Variants in SNCAIP observed in about 807,000 individuals in gnomAD.
SNCAIP encodes synphilin-1.
Under a neutral mutation model 86.7 loss-of-function variants are expected in SNCAIP, and 43 were observed. That is an observed-to-expected ratio of 0.50 (90% CI 0.39 to 0.64). The LOEUF (loss-of-function observed/expected upper bound fraction) is 0.64. Ranked by LOEUF, SNCAIP falls within the 30% of genes least tolerant of loss-of-function variation. The probability of loss-of-function intolerance (pLI) is 0.00; values close to 1 mark genes in which losing one functional copy is unlikely to be tolerated. For missense variants in SNCAIP, 981 were observed against 1,103.1 expected, an observed-to-expected ratio of 0.89 and a Z score of 1.57; for synonymous variants, 417 against 427.2, an observed-to-expected ratio of 0.98 and a Z score of 0.29.
At chr5:122,383,873 T>G (rs1767526039) in intron 1 of SNCAIP, among the ~76,000 whole-genome samples, 1 of 152,210 alleles carries the variant, frequency 6.6e-6, no homozygotes, top group African/African-American at 2.4e-5. Context: ...AATCCAATTT[T>G]CTTTAAAGGT....
rs747418990 is a variant in SNCAIP at position 122,451,313 on chromosome 5, G to A, written c.2466G>A (p.Val822=). ...TGAGAGTTACCTTTGAGGAGCCTGTGGTGCAGATGGAGCAGCCTAGCCTTG... is the reference window on the plus strand; with the variant it reads ...TGAGAGTTACCTTTGAGGAGCCTGTAGTGCAGATGGAGCAGCCTAGCCTTG... ...LKLRVTFEEP[V]VQMEQPSLEL... is the part of the protein sequence containing the mutation. Residue 822 remains valine, a synonymous_variant, in exon 10 of 11, where the codon GTG becomes GTA. Transcript: ENST00000261368. 5 of 1,614,012 alleles carry A rather than the reference G, an allele frequency of 3.1e-6. No individual in the cohort carries two copies. Among genetic ancestry groups the A allele is most frequent in the Non-Finnish European group, 3.4e-6 (4 of 1,180,028 alleles).
chr5:122,443,388 GT>G (rs1002111760), intron 7 of SNCAIP, among the ~76,000 whole-genome samples: 59 of 152,276 alleles, frequency 3.9e-4, no homozygotes, highest in African/African-American at 1.4e-3. Flanking sequence ...ACACAAAATA[GT>G]TTGGATTTTT....
chr5:122,354,745 C>T lies in SNCAIP; in HGVS notation c.-46-36344C>T, dbSNP rs756576912. Reference sequence around the variant, plus strand: ...AACTAATCAAAAGCAGTAAATGAAACATCCCTTTTAAAGTAGATCAACTGG... The same window carrying T: ...AACTAATCAAAAGCAGTAAATGAAATATCCCTTTTAAAGTAGATCAACTGG... On this transcript the variant is annotated intron_variant, in intron 1 of 10. Transcript: ENST00000261368. Among the ~76,000 whole-genome samples, 45 of 152,242 alleles carry T rather than the reference C, an allele frequency of 3.0e-4. 1 individual carries two copies. The highest frequency in any genetic ancestry group is 4.7e-4 in the Non-Finnish European group (32 of 67,998).
At chr5:122,314,246 A>T (rs1751246072) in intron 1 of SNCAIP, among the ~76,000 whole-genome samples, 1 of 152,246 alleles carries the variant, frequency 6.6e-6, no homozygotes, top group Non-Finnish European at 1.5e-5. Flanking sequence ...CCACACAAAC[A>T]TCTAATACAA....
At chr5:122,334,930 C>T (rs1445877219) in intron 1 of SNCAIP, among the ~76,000 whole-genome samples, 1 of 152,080 alleles carries the variant, frequency 6.6e-6, no homozygotes, top group Non-Finnish European at 1.5e-5. Flanking sequence ...TTGGGGACTA[C>T]AGGTTTCAGG....
At chr5:122,441,936 C>G (rs140804261) in intron 7 of SNCAIP, among the ~76,000 whole-genome samples, 1 of 151,866 alleles carries the variant, frequency 6.6e-6, no homozygotes, top group African/African-American at 2.4e-5. Flanking sequence ...GAAAGTGACC[C>G]GACATATATG....
intron 1 of SNCAIP, among the ~76,000 whole-genome samples, chr5:122,317,944 C>T (rs1471364333): frequency 2.0e-5 from 3 of 152,002 alleles, no homozygotes; most frequent in South Asian, 4.1e-4. Context: ...TTCAGTCTCT[C>T]AGCTTTCAAT....
chr5:122,463,633 A>G lies in SNCAIP; in HGVS notation c.*137A>G. On this transcript the variant is annotated 3_prime_UTR_variant, in exon 11 of 11. Transcript: ENST00000261368. ...TTTGGAAATTATTGGAAATTTCTGG[A>G]CTATCCTCTTTGGAAAGAGAACCAT... 1 of 877,180 alleles carries G rather than the reference A, an allele frequency of 1.1e-6. No homozygotes were observed. The highest frequency in any genetic ancestry group is 1.6e-5 in the South Asian group (1 of 64,474). 54.3% of individuals were successfully genotyped at this position (877,180 alleles called of 1,614,324 possible).
intron 10 of SNCAIP, chr5:122,454,473 G>A (rs74529418): frequency 0.2 from 30,125 of 152,554 alleles, 3,350 homozygotes; most frequent in South Asian, 0.29. Flanking sequence ...GGCCTCACCG[G>A]GGCAGGGAAT....
intron 2 of SNCAIP, among the ~76,000 whole-genome samples, chr5:122,396,458 C>T (rs1770643484): frequency 6.6e-6 from 1 of 152,124 alleles, no homozygotes; most frequent in African/African-American, 2.4e-5. Flanking sequence ...TTTTACTCTG[C>T]AGATAGTCCT....
chr5:122,337,580 C>G (rs1756745916), intron 1 of SNCAIP, among the ~76,000 whole-genome samples: 2 of 152,070 alleles, frequency 1.3e-5, no homozygotes, highest in Non-Finnish European at 2.9e-5. Context: ...GCCCTGTCAC[C>G]CAGGCTGGAG....
chr5:122,353,439 C>CAAAA (rs60366701), intron 1 of SNCAIP, among the ~76,000 whole-genome samples: 5 of 94,154 alleles, frequency 5.3e-5, no homozygotes, highest in African/African-American at 1.1e-4. Context: ...CATAATTAAG[C>CAAAA]AAAAAAAAAA....
intron 5 of SNCAIP, among the ~76,000 whole-genome samples, chr5:122,427,167 A>T (rs959986640): frequency 3.3e-5 from 5 of 152,052 alleles, no homozygotes; most frequent in Non-Finnish European, 5.9e-5. Flanking sequence ...GAAGAAAATA[A>T]TTTTTTTTAA....
Position 122,450,667 on chromosome 5 carries a change from C to A in SNCAIP, c.1820C>A (p.Ala607Asp). ...VLGSLSASSR[A>D]RPKAKDEDSD... Reference sequence around the variant, plus strand: ...GGAAGCCTGTCAGCCTCCAGCCGGGCTAGACCCAAAGCAAAAGATGAAGAT... The same window carrying A: ...GGAAGCCTGTCAGCCTCCAGCCGGGATAGACCCAAAGCAAAAGATGAAGAT... The change falls in exon 10 of 11, where the codon GCT becomes GAT. Residue 607 changes from alanine to aspartate, a missense_variant. By Grantham distance (126) the Ala-to-Asp change is moderately radical. Transcript: ENST00000261368. The A allele has an allele frequency of 6.2e-7, 1 of 1,614,194 alleles. No individual in the cohort carries two copies. The highest frequency in any genetic ancestry group is 8.5e-7 in the Non-Finnish European group (1 of 1,180,016).
intron 1 of SNCAIP, among the ~76,000 whole-genome samples, chr5:122,366,554 A>G (rs1763236497): frequency 6.6e-6 from 1 of 152,226 alleles, no homozygotes; most frequent in Non-Finnish European, 1.5e-5. Flanking sequence ...GAAAAGCCAA[A>G]GGTTGGGTGT....
At chr5:122,461,254 TATG>T (rs1298940478) in intron 10 of SNCAIP, among the ~76,000 whole-genome samples, 4 of 152,232 alleles carry the variant, frequency 2.6e-5, no homozygotes, top group African/African-American at 9.6e-5. Context: ...TGGAAGATTT[TATG>T]ATTTCTTCTT....
intron 1 of SNCAIP, among the ~76,000 whole-genome samples, chr5:122,332,174 TTTTC>T (rs1755495205): frequency 6.6e-6 from 1 of 152,246 alleles, no homozygotes; most frequent in Non-Finnish European, 1.5e-5. Flanking sequence ...TGTTGATGTG[TTTTC>T]TTTCTTTATG....
At chr5:122,335,862 T>C (rs186605053) in intron 1 of SNCAIP, among the ~76,000 whole-genome samples, 2 of 152,290 alleles carry the variant, frequency 1.3e-5, no homozygotes, top group African/African-American at 4.8e-5. Flanking sequence ...GCAATTCGTA[T>C]AGAAAGCTGA....
intron 1 of SNCAIP, 87 bp from the exon 2 acceptor site, chr5:122,391,002 A>T (rs1769225459): frequency 2.7e-6 from 2 of 739,984 alleles, no homozygotes; most frequent in Non-Finnish European, 4.9e-6. Flanking sequence ...AACCCTTCTC[A>T]TCTTATTTGT....
Sources: allele counts gnomAD v4.1 joint callset (sites outside exome capture counted in the v4.1 genomes callset), GRCh38; gene constraint gnomAD v4.1.1; transcripts MANE v1.5; gene names NCBI Gene and HGNC (gene_info 2026-07-23, HGNC 2026-07-21).